Variants in TMPRSS15 observed in about 807,000 individuals in gnomAD.
TMPRSS15 encodes transmembrane serine protease 15.
In TMPRSS15, 128 loss-of-function variants were observed where a neutral mutation model predicts 125.3. The ratio of observed to expected loss-of-function variants is 1.02; its 90% CI spans 0.89 to 1.18. The LOEUF is 1.18. Ranked by LOEUF, TMPRSS15 falls within the 50% of genes most tolerant of loss-of-function variation. TMPRSS15 has a pLI of 0.00. For synonymous variants in TMPRSS15, 446 were observed against 423.2 expected (o/e 1.05, Z -0.66); for missense variants, 1,283 against 1,212.7 (o/e 1.06, Z -0.86).
intron 21 of TMPRSS15, among the ~76,000 whole-genome samples, chr21:18,288,823 A>G (rs2074798926): frequency 6.6e-6 from 1 of 151,364 alleles, no homozygotes; most frequent in Non-Finnish European, 1.5e-5. Flanking sequence ...GGCATGAGCC[A>G]CCACACCCGG....
At position 18,315,473 on chromosome 21, in the gene TMPRSS15, G is replaced by C. The variant is rs79798227; in HGVS notation, c.1922-217C>G. Among the ~76,000 whole-genome samples the C allele has an allele frequency of 0.095, 6,419 of 67,356 alleles. 195 individuals are homozygous for C. Among genetic ancestry groups the C allele is most frequent in the Non-Finnish European group, 0.14 (3,880 of 28,258 alleles). 44.2% of individuals were successfully genotyped at this position (67,356 alleles called of 152,430 possible). A position where few individuals can be genotyped will look rare whatever the true frequency, so the allele number is the denominator to read the frequency against. On this transcript the variant is annotated intron_variant, in intron 16 of 24. Transcript: ENST00000284885. Reference sequence around the variant, plus strand: ...AACCTGCACGTTGTGCACATGTACCGTAGAACTTAAAGTATAATAAAATAT... The same window carrying C: ...AACCTGCACGTTGTGCACATGTACCCTAGAACTTAAAGTATAATAAAATAT...
At chr21:18,484,590 C>T (rs1221058516) in intron 1 of TMPRSS15, among the ~76,000 whole-genome samples, 5 of 151,636 alleles carry the variant, frequency 3.3e-5, no homozygotes, top group Non-Finnish European at 7.4e-5. Context: ...TTTATATATG[C>T]AGACTAGCAT....
At position 18,315,351 on chromosome 21, in the gene TMPRSS15, C is replaced by T. The variant is rs116368029; in HGVS notation, c.1922-95G>A. The T allele has an allele frequency of 3.9e-3, 4,007 of 1,021,060 alleles. 83 individuals carry two copies. In the African/African-American group the frequency reaches 0.05, roughly 13 times the overall value. 63.3% of individuals were successfully genotyped at this position (1,021,060 alleles called of 1,614,324 possible). Reference sequence around the variant, plus strand: ...CATTTGCTCCCCTTTAAACATGAGTCCTTTGCCACAGCTCAAGGTGGAACC... The same window carrying T: ...CATTTGCTCCCCTTTAAACATGAGTTCTTTGCCACAGCTCAAGGTGGAACC... On this transcript the variant is annotated intron_variant, in intron 16 of 24. Transcript: ENST00000284885.
chr21:18,307,138 T>G (rs2146925333), intron 18 of TMPRSS15, among the ~76,000 whole-genome samples: 1 of 152,344 alleles, frequency 6.6e-6, no homozygotes, highest in South Asian at 2.1e-4. Context: ...AAATTCTCAT[T>G]AAGGATGTAA....
intron 6 of TMPRSS15, among the ~76,000 whole-genome samples, chr21:18,365,513 T>G (rs1160794735): frequency 6.6e-6 from 1 of 150,608 alleles, no homozygotes; most frequent in Non-Finnish European, 1.5e-5. Flanking sequence ...GCTTCCTTCC[T>G]TCCTTCCCTC....
At chr21:18,420,003 T>C (rs184545582) in intron 1 of TMPRSS15, among the ~76,000 whole-genome samples, 26 of 152,360 alleles carry the variant, frequency 1.7e-4, no homozygotes, top group Admixed American at 1.2e-3. Flanking sequence ...TGTTTGCTAC[T>C]GGGACCTGAA....
chr21:18,338,984 C>T (rs1341916567), intron 13 of TMPRSS15, among the ~76,000 whole-genome samples: 3 of 152,076 alleles, frequency 2.0e-5, no homozygotes, highest in Non-Finnish European at 2.9e-5. Context: ...TTCCTTAAAG[C>T]CTTCTTCTGC....
At chr21:18,386,866 G>T (rs1020046702) in intron 3 of TMPRSS15, among the ~76,000 whole-genome samples, 20 of 152,310 alleles carry the variant, frequency 1.3e-4, no homozygotes, top group African/African-American at 4.6e-4. Flanking sequence ...CGGAGTAAAA[G>T]AGGTAAGGTA....
At chr21:18,362,367 T>C (rs538403513) in intron 7 of TMPRSS15, among the ~76,000 whole-genome samples, 1 of 152,242 alleles carries the variant, frequency 6.6e-6, no homozygotes, top group South Asian at 2.1e-4. Flanking sequence ...TTTCATCTGA[T>C]GTTTTCAAGC....
intron 1 of TMPRSS15, among the ~76,000 whole-genome samples, chr21:18,462,099 T>C (rs1157434946): frequency 6.6e-6 from 1 of 152,176 alleles, no homozygotes; most frequent in Non-Finnish European, 1.5e-5. Context: ...CCAAGATTAC[T>C]GCACAGCATT....
chr21:18,285,687 A>C (rs2074754159), intron 21 of TMPRSS15, among the ~76,000 whole-genome samples: 1 of 152,226 alleles, frequency 6.6e-6, no homozygotes, highest in Non-Finnish European at 1.5e-5. Flanking sequence ...TGAAAGTACA[A>C]AGAAGCCAGA....
At chr21:18,281,801 T>C (rs969516815) in intron 21 of TMPRSS15, among the ~76,000 whole-genome samples, 17 of 151,940 alleles carry the variant, frequency 1.1e-4, no homozygotes, top group African/African-American at 3.1e-4. Flanking sequence ...AATTCACATA[T>C]AGTTAAAGTA....
intron 1 of TMPRSS15, among the ~76,000 whole-genome samples, chr21:18,459,705 T>C (rs1978515699): frequency 6.6e-6 from 1 of 152,220 alleles, no homozygotes; most frequent in African/African-American, 2.4e-5. Flanking sequence ...TCATATAAAT[T>C]TTACAATTGA....
At chr21:18,270,396 G>T (rs1052201418) in intron 24 of TMPRSS15, among the ~76,000 whole-genome samples, 1 of 151,998 alleles carries the variant, frequency 6.6e-6, no homozygotes, top group Non-Finnish European at 1.5e-5. Context: ...AGGCATTTTG[G>T]TGGCTACTAA....
intron 1 of TMPRSS15, among the ~76,000 whole-genome samples, chr21:18,430,930 T>A (rs755028239): frequency 6.6e-6 from 1 of 152,212 alleles, no homozygotes; most frequent in Non-Finnish European, 1.5e-5. Flanking sequence ...ACAGCTTTTG[T>A]GACATTTTCC....
intron 1 of TMPRSS15, among the ~76,000 whole-genome samples, chr21:18,478,366 A>T (rs942282678): frequency 6.6e-6 from 1 of 151,992 alleles, no homozygotes; most frequent in Non-Finnish European, 1.5e-5. Flanking sequence ...CTAGGATATC[A>T]GATTGTTTAA....
chr21:18,332,174 C>T lies in TMPRSS15; in HGVS notation c.1565-1G>A. On this transcript the variant is annotated splice_acceptor_variant, in intron 13 of 24. Coordinates refer to ENST00000284885, the MANE Select transcript of TMPRSS15 (RefSeq NM_002772.3). LOFTEE classifies it high-confidence loss of function. ...AGCTCAAAAGGTCCTCCACAGTCCG[C>T]TGAAAAGGAAAGCAATGGGAAATCA... 1 of 1,613,434 alleles carries T rather than the reference C, an allele frequency of 6.2e-7. No individual in the cohort carries two copies. The highest frequency in any genetic ancestry group is 8.5e-7 in the Non-Finnish European group (1 of 1,179,404).
At chr21:18,293,340 CT>C (rs1189338387) in intron 21 of TMPRSS15, among the ~76,000 whole-genome samples, 2 of 151,888 alleles carry the variant, frequency 1.3e-5, no homozygotes, top group African/African-American at 4.9e-5. Context: ...ATGCCTGGTT[CT>C]TTCTAACATG....
chr21:18,394,604 C>G (rs2076018181), intron 3 of TMPRSS15, among the ~76,000 whole-genome samples: 1 of 150,412 alleles, frequency 6.6e-6, no homozygotes, highest in Non-Finnish European at 1.5e-5. Flanking sequence ...ACTTTTGATA[C>G]TTTTGATGTA....
Sources: allele counts gnomAD v4.1 joint callset (sites outside exome capture counted in the v4.1 genomes callset), GRCh38; gene constraint gnomAD v4.1.1; transcripts MANE v1.5; gene names NCBI Gene and HGNC (gene_info 2026-07-23, HGNC 2026-07-21).